NAV3: variants seen among roughly 807,000 people sequenced by gnomAD.
The protein encoded by NAV3 is neuron navigator 3, also known as pore membrane and/or filament interacting like protein 1.
NAV3 carries 87 observed loss-of-function variants against 244.7 expected under a neutral mutation model. The observed-to-expected ratio is 0.36, with a 90% CI of 0.30 to 0.42. The LOEUF is 0.42. Among genes scored for constraint, NAV3 ranks in the 20% least tolerant of loss-of-function variants. The probability of loss-of-function intolerance (pLI) is 1.00; values close to 1 mark genes in which losing one functional copy is unlikely to be tolerated. For synonymous variants in NAV3, 1,126 were observed against 1,042.2 expected (o/e 1.08, Z -1.55); for missense variants, 2,663 against 2,893.3 (o/e 0.92, Z 1.83).
At chr12:77,951,202 A>T (rs141399837) in intron 3 of NAV3, among the ~76,000 whole-genome samples, 1 of 152,266 alleles carries the variant, frequency 6.6e-6, no homozygotes, top group Admixed American at 6.5e-5. Context: ...GAATCTACAA[A>T]GAACTCAAAC....
chr12:78,064,425 G>A (rs1304302641), intron 12 of NAV3, among the ~76,000 whole-genome samples: 1 of 146,730 alleles, frequency 6.8e-6, no homozygotes, highest in Non-Finnish European at 1.5e-5. Flanking sequence ...CTGTCTGTCT[G>A]TCTGCCTGCC....
chr12:78,092,530 C>T (rs1166413311), intron 12 of NAV3, among the ~76,000 whole-genome samples: 3 of 112,988 alleles, frequency 2.7e-5, no homozygotes, highest in East Asian at 2.9e-4. Context: ...GATGGAGTCT[C>T]GCTCTGTCGC....
intron 2 of NAV3, among the ~76,000 whole-genome samples, chr12:77,793,001 T>C (rs1233684156): frequency 2.0e-5 from 3 of 152,148 alleles, no homozygotes; most frequent in Non-Finnish European, 4.4e-5. Flanking sequence ...AGGCTTCCCA[T>C]GGTCCCACGT....
chr12:77,891,038 A>G (rs1236698931), intron 1 of NAV3, among the ~76,000 whole-genome samples: 1 of 152,066 alleles, frequency 6.6e-6, no homozygotes, highest in Non-Finnish European at 1.5e-5. Context: ...AGATTATCCC[A>G]TTTCATAAAT....
intron 2 of NAV3, among the ~76,000 whole-genome samples, chr12:77,761,046 T>G (rs1869436040): frequency 6.6e-6 from 1 of 152,162 alleles, no homozygotes; most frequent in African/African-American, 2.4e-5. Flanking sequence ...TATTTTATTT[T>G]ATTAATTGAT....
intron 20 of NAV3, among the ~76,000 whole-genome samples, chr12:78,144,778 A>T (rs1470902254): frequency 6.6e-6 from 1 of 151,728 alleles, no homozygotes; most frequent in Non-Finnish European, 1.5e-5. Flanking sequence ...CCAGCTTTCT[A>T]TAATTCTAGG....
At chr12:78,020,916 AC>A (rs1025323868) in intron 8 of NAV3, among the ~76,000 whole-genome samples, 6 of 152,080 alleles carry the variant, frequency 3.9e-5, no homozygotes, top group African/African-American at 1.4e-4. Context: ...ATCCTATATT[AC>A]CTCGCCTCCT....
At chr12:77,578,703 T>C (rs888665154) in intron 2 of NAV3, among the ~76,000 whole-genome samples, 21 of 152,180 alleles carry the variant, frequency 1.4e-4, no homozygotes, top group African/African-American at 5.1e-4. Flanking sequence ...AGACTAATGA[T>C]AATATCAACA....
At chr12:78,127,944 A>C (rs1955990184) in intron 17 of NAV3, among the ~76,000 whole-genome samples, 1 of 152,170 alleles carries the variant, frequency 6.6e-6, no homozygotes, top group African/African-American at 2.4e-5. Context: ...TTATCTGAGG[A>C]AGAGATAGAA....
At chr12:78,051,217 A>C (rs746137875) in intron 11 of NAV3, 70 bp downstream of exon 11, 101 of 1,505,844 alleles carry the variant, frequency 6.7e-5, no homozygotes, top group Non-Finnish European at 9.0e-5. Context: ...CATTCACTAT[A>C]AACAAATGTG....
At chr12:77,702,635 C>G (rs1875612659) in intron 2 of NAV3, among the ~76,000 whole-genome samples, 1 of 151,860 alleles carries the variant, frequency 6.6e-6, no homozygotes, top group African/African-American at 2.4e-5. Context: ...AGCTCTCACA[C>G]TCTGCTTATG....
In NAV3 at chr12:78,051,025, G is replaced by A. The variant is rs1051498687; in HGVS notation, c.2394G>A (p.Gln798=). The change falls in exon 11 of 40, where the codon CAG becomes CAA. Residue 798 remains glutamine (Q), a synonymous_variant. Transcript: ENST00000397909. Reference sequence around the variant, plus strand: ...TCTCTAGGCTGGGAAACATGTCACAGATTGACATGAGTGAGAAAGCAAGCA... The same window carrying A: ...TCTCTAGGCTGGGAAACATGTCACAAATTGACATGAGTGAGAAAGCAAGCA... ...AAVSRLGNMS[Q]IDMSEKASSD... 1 of 1,614,168 alleles carries A rather than the reference G, an allele frequency of 6.2e-7. No homozygotes were observed. Among genetic ancestry groups the A allele is most frequent in the Non-Finnish European group, 8.5e-7 (1 of 1,180,044 alleles).
At chr12:77,688,330 C>T (rs1592583859) in intron 2 of NAV3, among the ~76,000 whole-genome samples, 1 of 152,010 alleles carries the variant, frequency 6.6e-6, no homozygotes, top group South Asian at 2.1e-4. Flanking sequence ...TTAGGTTAGA[C>T]ATGCTTACTA....
intron 30 of NAV3, among the ~76,000 whole-genome samples, chr12:78,182,726 CT>C (rs928119598): frequency 4.6e-5 from 7 of 151,444 alleles, no homozygotes; most frequent in South Asian, 2.1e-4. Flanking sequence ...TTTTTAATAC[CT>C]TTTTTTACCC....
At chr12:77,711,942 A>G (rs1035890475) in intron 2 of NAV3, among the ~76,000 whole-genome samples, 1 of 152,118 alleles carries the variant, frequency 6.6e-6, no homozygotes, top group Admixed American at 6.6e-5. Context: ...TCTACTTCCA[A>G]TGAACTCACT....
chr12:77,910,355 T>G (rs1371417751), intron 1 of NAV3, among the ~76,000 whole-genome samples: 1 of 151,850 alleles, frequency 6.6e-6, no homozygotes, highest in East Asian at 1.9e-4. Context: ...CAACCAATTC[T>G]TCCTTGAACT....
chr12:77,992,335 A>G (rs914291902), intron 5 of NAV3, among the ~76,000 whole-genome samples: 1 of 152,208 alleles, frequency 6.6e-6, no homozygotes, highest in Non-Finnish European at 1.5e-5. Flanking sequence ...GATGGAAAAC[A>G]TAGGTACAAA....
intron 1 of NAV3, among the ~76,000 whole-genome samples, chr12:77,844,432 G>A (rs1318958434): frequency 6.6e-6 from 1 of 152,178 alleles, no homozygotes; most frequent in Non-Finnish European, 1.5e-5. Flanking sequence ...TGAATTTGAA[G>A]GTCACATTCA....
At chr12:77,981,660 A>G (rs868451699) in intron 5 of NAV3, among the ~76,000 whole-genome samples, 55 of 152,120 alleles carry the variant, frequency 3.6e-4, no homozygotes, top group Admixed American at 1.1e-3. Context: ...TTTGAAAGGA[A>G]ATAATTTCTG....
Sources: allele counts gnomAD v4.1 joint callset (sites outside exome capture counted in the v4.1 genomes callset), GRCh38; gene constraint gnomAD v4.1.1; transcripts MANE v1.5; gene names NCBI Gene and HGNC (gene_info 2026-07-23, HGNC 2026-07-21).